The following ADCY2 variants were observed in gnomAD, a reference collection of about 807,000 sequenced individuals.
ADCY2 encodes the protein adenylate cyclase 2, also known as adenylate cyclase type 2.
ADCY2 carries 31 observed loss-of-function variants against 125.2 expected under a neutral mutation model. The ratio of observed to expected loss-of-function variants is 0.25; its 90% confidence interval spans 0.19 to 0.33. The LOEUF (loss-of-function observed/expected upper bound fraction) is 0.33. Among genes scored for constraint, ADCY2 ranks in the 10% least tolerant of loss-of-function variants. The probability of loss-of-function intolerance (pLI) is 1.00; values close to 1 mark genes in which losing one functional copy is unlikely to be tolerated. For missense variants in ADCY2, 904 were observed against 1,418.2 expected (o/e 0.64, Z 5.82); for synonymous variants, 512 against 548.4 (o/e 0.93, Z 0.93).
At chr5:7,794,229 C>T (rs1185051845) in intron 20 of ADCY2, 2 of 152,298 alleles carry the variant, frequency 1.3e-5, no homozygotes, top group East Asian at 1.9e-4. Context: ...CAGATCTTCC[C>T]TTGGCTGTAA....
At position 7,706,761 on chromosome 5, in the gene ADCY2, C is replaced by CA; in HGVS notation, c.1127_1128insA (p.Gly377TrpfsTer3). On this transcript the variant is annotated frameshift_variant, in exon 8 of 25. Coordinates refer to ENST00000338316, the MANE Select transcript of ADCY2 (RefSeq NM_020546.3). LOFTEE classifies it high-confidence loss of function. ...CTCTTTAGGAAAGTGAGGGATGCTA[C>CA]TGGAGTTGATATCAACATGCGCGTG... The CA allele has an allele frequency of 6.2e-7, 1 of 1,614,236 alleles. No individual in the cohort carries two copies. The highest frequency in any genetic ancestry group is 8.5e-7 in the Non-Finnish European group (1 of 1,180,028).
At chr5:7,699,780 G>A (rs1741022454) in intron 7 of ADCY2, among the ~76,000 whole-genome samples, 1 of 152,088 alleles carries the variant, frequency 6.6e-6, no homozygotes, top group Non-Finnish European at 1.5e-5. Context: ...TAGAGACGGG[G>A]TGTCTCTGTG....
intron 22 of ADCY2, among the ~76,000 whole-genome samples, chr5:7,810,456 G>T (rs897928257): frequency 6.6e-6 from 1 of 151,762 alleles, no homozygotes; most frequent in Non-Finnish European, 1.5e-5. Context: ...CTAGTTGGTG[G>T]GTTTTCTGCT....
intron 18 of ADCY2, among the ~76,000 whole-genome samples, chr5:7,780,574 C>A (rs1335749472): frequency 6.6e-6 from 1 of 152,128 alleles, no homozygotes; most frequent in Non-Finnish European, 1.5e-5. Flanking sequence ...GATCAGTGAA[C>A]CGATTTTTTT....
At chr5:7,521,408 C>G (rs897392736) in intron 3 of ADCY2, among the ~76,000 whole-genome samples, 23 of 152,048 alleles carry the variant, frequency 1.5e-4, no homozygotes, top group Admixed American at 1.3e-3. Flanking sequence ...TTTTTCCTTA[C>G]TAATAAATAG....
chr5:7,775,524 A>G (rs1379304022), intron 18 of ADCY2, among the ~76,000 whole-genome samples: 1 of 151,652 alleles, frequency 6.6e-6, no homozygotes, highest in African/African-American at 2.4e-5. Flanking sequence ...CTGAGTAGCT[A>G]GGATTGCAGG....
At chr5:7,666,862 C>T (rs1561155320) in intron 4 of ADCY2, among the ~76,000 whole-genome samples, 1 of 152,164 alleles carries the variant, frequency 6.6e-6, no homozygotes, top group Non-Finnish European at 1.5e-5. Context: ...CGTGTGCTTG[C>T]GTTTTTCCCT....
At chr5:7,567,497 C>T (rs989962835) in intron 3 of ADCY2, among the ~76,000 whole-genome samples, 1 of 152,104 alleles carries the variant, frequency 6.6e-6, no homozygotes, top group Admixed American at 6.5e-5. Context: ...TTTGTGTAAA[C>T]TTTGATCTTC....
chr5:7,486,349 C>T (rs932918908), intron 2 of ADCY2, among the ~76,000 whole-genome samples: 3 of 152,170 alleles, frequency 2.0e-5, no homozygotes, highest in African/African-American at 4.8e-5. Flanking sequence ...TGTACATACA[C>T]GTATTTCTAG....
intron 15 of ADCY2, among the ~76,000 whole-genome samples, chr5:7,756,960 A>G (rs1439133872): frequency 6.6e-6 from 1 of 152,178 alleles, no homozygotes; most frequent in African/African-American, 2.4e-5. Flanking sequence ...CAGACACCGT[A>G]TTTGTAAGTT....
At position 7,743,719 on chromosome 5, in the gene ADCY2, C is replaced by T. The variant is rs777876051; in HGVS notation, c.1923C>T (p.Phe641=). The T allele has an allele frequency of 6.2e-7, 1 of 1,614,146 alleles. No homozygotes were observed. Among genetic ancestry groups the T allele is most frequent in the Non-Finnish European group, 8.5e-7 (1 of 1,180,018 alleles). ...GGGCTGCGTTTCTCTTGCTGGCCTT[C>T]ATCCTCTTCGTCTGCTTTGCTGGAC... is the stretch of plus-strand genomic sequence containing the variant. ...SFGAAFLLLA[F]ILFVCFAGQL... Residue 641 remains phenylalanine, a synonymous_variant, in exon 15 of 25, where the codon TTC becomes TTT. Coordinates refer to ENST00000338316, the MANE Select transcript of ADCY2 (RefSeq NM_020546.3).
In ADCY2 at chr5:7,635,318, G is replaced by A. The variant is rs549222115; in HGVS notation, c.720+9002G>A. Among the ~76,000 whole-genome samples the A allele has an allele frequency of 3.9e-5, 6 of 152,292 alleles. No homozygotes were observed. In the South Asian group the frequency reaches 1.2e-3, roughly 32 times the overall value. On this transcript the variant is annotated intron_variant, in intron 4 of 24. Transcript: ENST00000338316. ...TCCTTGGAAGCCATGGCATACTATG[G>A]CAGCAGTACAGGCTGGATACAGGAA...
At chr5:7,816,045 A>T (rs1056773497) in intron 22 of ADCY2, among the ~76,000 whole-genome samples, 2 of 152,032 alleles carry the variant, frequency 1.3e-5, no homozygotes, top group Non-Finnish European at 2.9e-5. Context: ...TCTTAAAAGG[A>T]CACCAGTCAT....
At chr5:7,667,255 T>C (rs912959303) in intron 4 of ADCY2, among the ~76,000 whole-genome samples, 1 of 152,000 alleles carries the variant, frequency 6.6e-6, no homozygotes, top group Admixed American at 6.6e-5. Flanking sequence ...ATGACTGACA[T>C]GTCTTGGGAA....
At chr5:7,703,351 G>T (rs1198560686) in intron 7 of ADCY2, among the ~76,000 whole-genome samples, 1 of 152,154 alleles carries the variant, frequency 6.6e-6, no homozygotes, top group Non-Finnish European at 1.5e-5. Context: ...GGTTTTTATG[G>T]TTTCAGGTCT....
chr5:7,681,664 C>T (rs1740342839), intron 4 of ADCY2, among the ~76,000 whole-genome samples: 1 of 152,150 alleles, frequency 6.6e-6, no homozygotes, highest in South Asian at 2.1e-4. Flanking sequence ...TGCTTCCAGC[C>T]TGGATTGGGC....
intron 3 of ADCY2, among the ~76,000 whole-genome samples, chr5:7,576,981 T>C (rs1736272355): frequency 6.6e-6 from 1 of 152,240 alleles, no homozygotes. Flanking sequence ...CATCATAGCA[T>C]TGCTTAATGT....
intron 7 of ADCY2, among the ~76,000 whole-genome samples, chr5:7,701,913 A>G (rs1336111606): frequency 6.6e-6 from 1 of 152,110 alleles, no homozygotes; most frequent in Non-Finnish European, 1.5e-5. Flanking sequence ...GTAATATCTT[A>G]TGTGTGCAGA....
intron 5 of ADCY2, among the ~76,000 whole-genome samples, chr5:7,694,476 C>G: frequency 6.6e-6 from 1 of 152,184 alleles, no homozygotes; most frequent in Non-Finnish European, 1.5e-5. Context: ...AACCGCCATT[C>G]TAGTTTCTGT....
Sources: gnomAD v4.1 joint callset for allele counts (sites outside exome capture counted in the v4.1 genomes callset) on GRCh38, gnomAD v4.1.1 for gene constraint, MANE v1.5 for transcripts, NCBI Gene and HGNC (gene_info 2026-07-23, HGNC 2026-07-21) for gene names.